Variants in GASK1B observed in about 807,000 individuals in gnomAD.
The protein encoded by GASK1B is Golgi-associated kinase 1B.
Under a neutral mutation model 42.8 loss-of-function variants are expected in GASK1B, and 34 were observed. That is an observed-to-expected ratio of 0.79 (90% CI 0.60 to 1.06). GASK1B has a LOEUF of 1.06. GASK1B is among the 50% of genes least tolerant of loss of function. The probability of loss-of-function intolerance (pLI) is 0.00; values close to 1 mark genes in which losing one functional copy is unlikely to be tolerated. For synonymous variants in GASK1B, 262 were observed against 259.1 expected (o/e 1.01, Z -0.11); for missense variants, 686 against 661.0 (o/e 1.04, Z -0.42).
intron 4 of GASK1B, among the ~76,000 whole-genome samples, chr4:158,129,008 C>T (rs1442667049): frequency 6.6e-6 from 1 of 152,110 alleles, no homozygotes; most frequent in Admixed American, 6.6e-5. Flanking sequence ...GTGGCTAATC[C>T]TTTTCATAAA....
At chr4:158,163,703 T>A (rs188041047) in intron 2 of GASK1B, among the ~76,000 whole-genome samples, 1 of 152,262 alleles carries the variant, frequency 6.6e-6, no homozygotes. Context: ...TTATCCCTAT[T>A]ATGCTAATAA....
At chr4:158,155,938 T>C in intron 2 of GASK1B, 113 bp from the exon 3 acceptor site, 2 of 777,150 alleles carry the variant, frequency 2.6e-6, no homozygotes, top group Non-Finnish European at 4.2e-6. Flanking sequence ...AATGTGAGAG[T>C]TTAATCTGAC....
intron 2 of GASK1B, among the ~76,000 whole-genome samples, chr4:158,156,933 C>T (rs1049037329): frequency 2.0e-5 from 3 of 152,068 alleles, no homozygotes; most frequent in Non-Finnish European, 4.4e-5. Context: ...CAATATATAA[C>T]TTTATGGCCT....
At chr4:158,158,131 G>A (rs931640106) in intron 2 of GASK1B, among the ~76,000 whole-genome samples, 1 of 152,032 alleles carries the variant, frequency 6.6e-6, no homozygotes, top group Non-Finnish European at 1.5e-5. Context: ...GAGAAGTTAT[G>A]TAACCTTTTT....
chr4:158,170,043 G>A (rs1003748998), intron 2 of GASK1B: 42 of 599,362 alleles, frequency 7.0e-5, no homozygotes, highest in Non-Finnish European at 1.2e-4. Context: ...ACGATAACCC[G>A]CTTCCCCCTT....
intron 4 of GASK1B, among the ~76,000 whole-genome samples, 184 bp downstream of exon 4, chr4:158,130,602 T>C (rs1730637289): frequency 6.6e-6 from 1 of 152,312 alleles, no homozygotes; most frequent in South Asian, 2.1e-4. Flanking sequence ...AGAGGCGCTA[T>C]GGCTGCACTC....
chr4:158,167,022 A>G (rs1327437215), intron 2 of GASK1B, among the ~76,000 whole-genome samples: 1 of 152,196 alleles, frequency 6.6e-6, no homozygotes, highest in Non-Finnish European at 1.5e-5. Flanking sequence ...AGTCTACTGC[A>G]TAGGATTCTC....
Position 158,170,678 on chromosome 4 carries a change from G to A in GASK1B, c.698C>T (p.Ala233Val). Reference protein sequence around the residue: ...RMRLLADSAVAGLRPVSSRSG... With the variant: ...RMRLLADSAVVGLRPVSSRSG... ...CCTAGAGGACACAGGCCGGAGCCCT[G>A]CCACTGCGCTGTCCGCCAAGAGTCG... The change falls in exon 2 of 5, where the codon GCA (alanine) becomes GTA (valine). Residue 233 changes from alanine to valine, a missense_variant. Transcript: ENST00000585682. The A allele has an allele frequency of 1.9e-6, 3 of 1,614,144 alleles. No homozygotes were observed. Among genetic ancestry groups the A allele is most frequent in the Non-Finnish European group, 2.5e-6 (3 of 1,180,048 alleles).
At position 158,170,580 on chromosome 4, in the gene GASK1B, C is replaced by T; in HGVS notation, c.796G>A (p.Gly266Arg). 1.2e-6 allele frequency: 2 copies of T among 1,614,130 alleles called. No individual in the cohort carries two copies. The highest frequency in any genetic ancestry group is 1.7e-5 in the Admixed American group (1 of 60,028). Residue 266 changes from glycine (G) to arginine (R), a missense_variant, in exon 2 of 5, where the codon GGG becomes AGG. Coordinates refer to ENST00000585682, the MANE Select transcript of GASK1B (RefSeq NM_001128424.2). ...ATGTCCAAGGGCTGCTTGAGAAGCC[C>T]ACAGGGGCTAGGGCCACAGCGGAGC... ...AVLRCGPSPCGLLKQPLDMSE... is the reference protein window; with the variant it reads ...AVLRCGPSPCRLLKQPLDMSE...
Position 158,125,585 on chromosome 4 carries a change from G to C in GASK1B, c.*1822C>G, listed in dbSNP as rs1041021822. The C allele has an allele frequency of 1.3e-5, 2 of 152,048 alleles. No individual in the cohort carries two copies. Among genetic ancestry groups the C allele is most frequent in the South Asian group, 4.1e-4 (2 of 4,828 alleles). The allele number at this position is 152,048 out of a possible 1,614,324, so 9.4% of individuals were successfully genotyped here. On this transcript the variant is annotated 3_prime_UTR_variant, in exon 5 of 5. Coordinates refer to ENST00000585682, the MANE Select transcript of GASK1B (RefSeq NM_001128424.2). Reference sequence around the variant, plus strand: ...GAGGATGATTTATAAGAGAAGAAAAGGATCTTAAAAATCCCAGAGACAGTG... The same window carrying C: ...GAGGATGATTTATAAGAGAAGAAAACGATCTTAAAAATCCCAGAGACAGTG...
At chr4:158,148,669 G>T (rs73857593) in intron 3 of GASK1B, among the ~76,000 whole-genome samples, 16 of 152,098 alleles carry the variant, frequency 1.1e-4, no homozygotes, top group South Asian at 2.1e-4. Flanking sequence ...GTAAAGTCTT[G>T]CAGAGACCTC....
At chr4:158,137,461 A>G (rs958372231) in intron 3 of GASK1B, among the ~76,000 whole-genome samples, 5 of 152,214 alleles carry the variant, frequency 3.3e-5, no homozygotes, top group African/African-American at 4.8e-5. Flanking sequence ...GCAAAAACAC[A>G]TGGACTTATT....
intron 3 of GASK1B, among the ~76,000 whole-genome samples, chr4:158,143,588 G>T (rs1731217863): frequency 6.6e-6 from 1 of 152,128 alleles, no homozygotes; most frequent in African/African-American, 2.4e-5. Flanking sequence ...TGACAGGAAT[G>T]ATTTTGAGGA....
At chr4:158,156,188 T>C (rs1462867308) in intron 2 of GASK1B, among the ~76,000 whole-genome samples, 1 of 152,218 alleles carries the variant, frequency 6.6e-6, no homozygotes, top group Non-Finnish European at 1.5e-5. Flanking sequence ...TAGACATTTA[T>C]AATTGTCTAT....
chr4:158,159,877 A>T (rs1234565234), intron 2 of GASK1B, among the ~76,000 whole-genome samples: 1 of 152,086 alleles, frequency 6.6e-6, no homozygotes, highest in Non-Finnish European at 1.5e-5. Flanking sequence ...CTTTGTCTAG[A>T]TTTATTAAAT....
intron 2 of GASK1B, among the ~76,000 whole-genome samples, chr4:158,159,885 A>T (rs890345191): frequency 7.2e-5 from 11 of 152,160 alleles, no homozygotes; most frequent in African/African-American, 2.7e-4. Context: ...AGATTTATTA[A>T]ATGCCCTTCA....
intron 2 of GASK1B, among the ~76,000 whole-genome samples, chr4:158,159,842 T>TA (rs1323784445): frequency 2.6e-5 from 4 of 152,128 alleles, no homozygotes; most frequent in Non-Finnish European, 5.9e-5. Context: ...AAAATTCACT[T>TA]AGAATGAGTG....
At chr4:158,141,920 C>CTTTTTTTT (rs36207959) in intron 3 of GASK1B, among the ~76,000 whole-genome samples, 4 of 47,620 alleles carry the variant, frequency 8.4e-5, no homozygotes, top group Non-Finnish European at 1.1e-4. Context: ...GTTGTGGTTT[C>CTTTTTTTT]TTTTTTTTTT....
intron 2 of GASK1B, among the ~76,000 whole-genome samples, chr4:158,157,552 G>A (rs914977919): frequency 8.5e-5 from 13 of 152,048 alleles, no homozygotes; most frequent in African/African-American, 2.9e-4. Context: ...GCCTCCAAAC[G>A]TGTGTACTTC....
Sources: allele counts gnomAD v4.1 joint callset (sites outside exome capture counted in the v4.1 genomes callset), GRCh38; gene constraint gnomAD v4.1.1; transcripts MANE v1.5; gene names NCBI Gene and HGNC (gene_info 2026-07-23, HGNC 2026-07-21).